Variants in DHRSX observed in about 807,000 individuals in gnomAD.
The protein encoded by DHRSX is polyprenol dehydrogenase.
Under a neutral mutation model 34.0 loss-of-function variants are expected in DHRSX, and 31 were observed. The ratio of observed to expected loss-of-function variants is 0.91; its 90% confidence interval spans 0.69 to 1.23. The LOEUF (loss-of-function observed/expected upper bound fraction) is 1.23. Ranked by LOEUF, DHRSX falls within the 50% of genes most tolerant of loss-of-function variation. The pLI, the probability that DHRSX is intolerant of heterozygous loss-of-function variation, is 0.00. For synonymous variants in DHRSX, 201 were observed against 183.8 expected (o/e 1.09, Z -0.76); for missense variants, 414 against 428.1 (o/e 0.97, Z 0.29).
At chrX:2,455,889 G>A (rs748040613) in intron 1 of DHRSX, among the ~76,000 whole-genome samples, 11 of 151,944 alleles carry the variant, frequency 7.2e-5, no homozygotes, top group South Asian at 2.1e-4. Flanking sequence ...AGGACTTCAC[G>A]ACACCAACGT....
At chrX:2,413,351 T>C (rs1438268305) in intron 2 of DHRSX, among the ~76,000 whole-genome samples, 1 of 6,778 alleles carries the variant, frequency 1.5e-4, no homozygotes, top group Non-Finnish European at 1.9e-4. Flanking sequence ...AATTAGTGAC[T>C]ATAATCTTGA....
At chrX:2,297,285 G>A (rs915541145) in intron 3 of DHRSX, among the ~76,000 whole-genome samples, 3 of 152,172 alleles carry the variant, frequency 2.0e-5, no homozygotes, top group East Asian at 1.9e-4. Flanking sequence ...ACCACGCCTG[G>A]CTACTTTTTG....
chrX:2,243,280 A>G (rs201311793), intron 5 of DHRSX, 50 bp from the exon 6 acceptor site: 1 of 1,532,986 alleles, frequency 6.5e-7, no homozygotes, highest in African/African-American at 1.4e-5. Context: ...GTTCACGCCT[A>G]AGTGCTTCAT....
intron 5 of DHRSX, among the ~76,000 whole-genome samples, chrX:2,264,277 C>T (rs1305152346): frequency 1.3e-5 from 2 of 151,678 alleles, no homozygotes; most frequent in African/African-American, 2.4e-5. Context: ...GCAGGGAGCA[C>T]CGTGCCCAGA....
chrX:2,396,227 T>C (rs2043407537), intron 3 of DHRSX, among the ~76,000 whole-genome samples: 2 of 152,132 alleles, frequency 1.3e-5, no homozygotes, highest in South Asian at 4.1e-4. Context: ...AATGATCTCA[T>C]CTTGAGATCC....
intron 1 of DHRSX, among the ~76,000 whole-genome samples, chrX:2,476,268 G>A (rs185186675): frequency 4.6e-5 from 7 of 152,096 alleles, no homozygotes; most frequent in African/African-American, 1.7e-4. Flanking sequence ...CATGGTGGCA[G>A]ATGCCTGTAA....
chrX:2,405,799 AAAAC>A (rs1212805009), intron 3 of DHRSX, among the ~76,000 whole-genome samples: 2 of 152,002 alleles, frequency 1.3e-5, no homozygotes, highest in African/African-American at 2.4e-5. Context: ...CCTGTATCAA[AAAAC>A]AAACAAACAA....
chrX:2,245,988 CACAA>C (rs2016273063), intron 5 of DHRSX, among the ~76,000 whole-genome samples: 2 of 141,186 alleles, frequency 1.4e-5, no homozygotes, highest in Admixed American at 1.4e-4. Context: ...CAAAAAAACA[CACAA>C]ACAAAAAAAA....
intron 3 of DHRSX, among the ~76,000 whole-genome samples, chrX:2,293,963 T>G (rs944504306): frequency 6.6e-6 from 1 of 151,124 alleles, no homozygotes; most frequent in Non-Finnish European, 1.5e-5. Context: ...TCATCATCAT[T>G]CCAAAACGAA....
chrX:2,402,706 TAA>T (rs34360426), intron 3 of DHRSX, among the ~76,000 whole-genome samples: 13 of 149,710 alleles, frequency 8.7e-5, no homozygotes, highest in South Asian at 2.1e-4. Context: ...TTTTTTCTTT[TAA>T]AAAAAAAAAT....
At chrX:2,423,248 AC>A (rs1359501724) in intron 2 of DHRSX, among the ~76,000 whole-genome samples, 1 of 151,888 alleles carries the variant, frequency 6.6e-6, no homozygotes, top group African/African-American at 2.4e-5. Context: ...CCCCATCTCT[AC>A]TAAAAATACA....
intron 3 of DHRSX, among the ~76,000 whole-genome samples, chrX:2,328,254 G>A (rs761709045): frequency 6.6e-6 from 1 of 151,818 alleles, no homozygotes; most frequent in Admixed American, 6.6e-5. Flanking sequence ...ATAAACGTCT[G>A]TTGTTTACAA....
At chrX:2,427,015 T>C (rs1339065883) in intron 1 of DHRSX, among the ~76,000 whole-genome samples, 1 of 152,202 alleles carries the variant, frequency 6.6e-6, no homozygotes, top group African/African-American at 2.4e-5. Context: ...CTGGGAAAGA[T>C]ACCAACCACT....
chrX:2,273,312 T>A (rs985020633), intron 4 of DHRSX, among the ~76,000 whole-genome samples: 3 of 152,190 alleles, frequency 2.0e-5, no homozygotes, highest in Non-Finnish European at 4.4e-5. Context: ...TCAACCTAAG[T>A]ACCCCTCCGT....
At chrX:2,330,095 AGG>A (rs1569489717) in intron 3 of DHRSX, among the ~76,000 whole-genome samples, 374 of 8,068 alleles carry the variant, frequency 0.046, 28 homozygotes, top group Non-Finnish European at 0.024. Flanking sequence ...GGGGGGGGGG[AGG>A]GAGGGAGAGA....
intron 3 of DHRSX, among the ~76,000 whole-genome samples, chrX:2,360,569 T>G (rs1223095310): frequency 6.6e-6 from 1 of 151,468 alleles, no homozygotes; most frequent in Admixed American, 6.6e-5. Context: ...GGCAACAGAG[T>G]GAGACTCTGT....
chrX:2,306,188 C>G (rs1463455598), intron 3 of DHRSX, among the ~76,000 whole-genome samples: 2 of 152,012 alleles, frequency 1.3e-5, no homozygotes, highest in Non-Finnish European at 2.9e-5. Flanking sequence ...AACCAACGGG[C>G]TTTGCTCATT....
At chrX:2,468,321 A>T (rs2044528855) in intron 1 of DHRSX, among the ~76,000 whole-genome samples, 1 of 152,144 alleles carries the variant, frequency 6.6e-6, no homozygotes, top group South Asian at 2.1e-4. Flanking sequence ...TGCGGTCAGG[A>T]CGCTGGCTGG....
chrX:2,389,205 C>T (rs192511439), intron 3 of DHRSX, among the ~76,000 whole-genome samples: 1 of 152,228 alleles, frequency 6.6e-6, no homozygotes, highest in East Asian at 1.9e-4. Flanking sequence ...GGTAACCAGC[C>T]AGGAAGGGGT....
Sources: allele counts gnomAD v4.1 joint callset (sites outside exome capture counted in the v4.1 genomes callset), GRCh38; gene constraint gnomAD v4.1.1; transcripts MANE v1.5; gene names NCBI Gene and HGNC (gene_info 2026-07-23, HGNC 2026-07-21).